MAGI2: variants seen among roughly 807,000 people sequenced by gnomAD.
The protein encoded by MAGI2 is membrane-associated guanylate kinase, WW and PDZ domain-containing protein 2.
MAGI2 carries 35 observed loss-of-function variants against 133.3 expected under a neutral mutation model. The ratio of observed to expected loss-of-function variants is 0.26; its 90% confidence interval spans 0.20 to 0.35. The LOEUF (loss-of-function observed/expected upper bound fraction) is 0.35, where lower values mean the gene tolerates loss of function less well. MAGI2 is among the 10% of genes least tolerant of loss of function. The pLI is 1.00. For synonymous variants in MAGI2, 729 were observed against 710.6 expected, an observed-to-expected ratio of 1.03 and a Z score of -0.41; for missense variants, 1,636 against 1,863.4, an observed-to-expected ratio of 0.88 and a Z score of 2.25.
intron 6 of MAGI2, among the ~76,000 whole-genome samples, chr7:78,427,368 CA>C (rs1276073304): frequency 6.6e-6 from 1 of 151,364 alleles, no homozygotes; most frequent in Non-Finnish European, 1.5e-5. Context: ...AATGTAAAGA[CA>C]AAGAAAAAGT....
chr7:78,137,734 G>A (rs1035474992), intron 16 of MAGI2, among the ~76,000 whole-genome samples: 4 of 152,136 alleles, frequency 2.6e-5, no homozygotes, highest in Non-Finnish European at 5.9e-5. Flanking sequence ...GATGTTGCAG[G>A]TCTCTGTAGG....
At chr7:78,548,149 A>C (rs1161084743) in intron 3 of MAGI2, among the ~76,000 whole-genome samples, 7 of 152,216 alleles carry the variant, frequency 4.6e-5, no homozygotes, top group Non-Finnish European at 1.0e-4. Flanking sequence ...GAGGCATTAC[A>C]GTTATGCCTG....
intron 16 of MAGI2, among the ~76,000 whole-genome samples, chr7:78,144,914 T>A (rs935533835): frequency 1.3e-5 from 2 of 152,212 alleles, no homozygotes; most frequent in East Asian, 1.9e-4. Context: ...CTGGTGTGTG[T>A]TGTTCCCCTC....
chr7:79,180,356 G>A (rs1440654783), intron 1 of MAGI2, among the ~76,000 whole-genome samples: 2 of 152,028 alleles, frequency 1.3e-5, no homozygotes, highest in African/African-American at 2.4e-5. Flanking sequence ...TGGACTTAAA[G>A]TTCTACATGG....
intron 1 of MAGI2, among the ~76,000 whole-genome samples, chr7:79,095,980 T>C (rs1434384418): frequency 1.3e-5 from 2 of 152,100 alleles, no homozygotes; most frequent in Non-Finnish European, 2.9e-5. Context: ...TAAGGCATGA[T>C]TGTACCTTTT....
intron 20 of MAGI2, among the ~76,000 whole-genome samples, chr7:78,095,198 T>A (rs1583875266): frequency 6.6e-6 from 1 of 152,222 alleles, no homozygotes; most frequent in South Asian, 2.1e-4. Context: ...AATTCAGTGA[T>A]ATACTTGCTG....
intron 2 of MAGI2, among the ~76,000 whole-genome samples, chr7:78,689,086 C>T (rs910447379): frequency 6.6e-6 from 1 of 152,148 alleles, no homozygotes; most frequent in African/African-American, 2.4e-5. Flanking sequence ...TATTCTTTCG[C>T]TTTGGTCTTT....
At chr7:79,447,475 G>T (rs1848936039) in intron 1 of MAGI2, among the ~76,000 whole-genome samples, 1 of 151,984 alleles carries the variant, frequency 6.6e-6, no homozygotes, top group Non-Finnish European at 1.5e-5. Flanking sequence ...GAACCCTGGA[G>T]CTTCAAGGTA....
intron 10 of MAGI2, among the ~76,000 whole-genome samples, chr7:78,243,059 G>A (rs1390406178): frequency 6.6e-6 from 1 of 152,016 alleles, no homozygotes; most frequent in Non-Finnish European, 1.5e-5. Flanking sequence ...GTGACAGAGT[G>A]AGACCCTGTC....
chr7:79,362,545 AT>A (rs1201877481), intron 1 of MAGI2, among the ~76,000 whole-genome samples: 2 of 152,122 alleles, frequency 1.3e-5, no homozygotes, highest in Admixed American at 6.5e-5. Context: ...AAAGAAAAAA[AT>A]ATTAACAAAC....
At chr7:79,447,030 A>G (rs1419974234) in intron 1 of MAGI2, among the ~76,000 whole-genome samples, 1 of 152,234 alleles carries the variant, frequency 6.6e-6, no homozygotes, top group Non-Finnish European at 1.5e-5. Flanking sequence ...TAACTTATCA[A>G]AGAAGGAAAC....
Position 79,296,729 on chromosome 7 carries a change from A to G in MAGI2, c.301+156291T>C, listed in dbSNP as rs373516043. Among the ~76,000 whole-genome samples the G allele has an allele frequency of 5.6e-4, 85 of 152,248 alleles. No individual in the cohort carries two copies. The South Asian group carries it at 0.017, about 30-fold the overall frequency. On this transcript the variant is annotated intron_variant, in intron 1 of 21. Coordinates refer to ENST00000354212, the MANE Select transcript of MAGI2 (RefSeq NM_012301.4). Reference sequence around the variant, plus strand: ...TGGTGGTTGTCAGAGGCTGGTTAGTATAGAGGAGAGGGGAGAATGAGGAAG... The same window carrying G: ...TGGTGGTTGTCAGAGGCTGGTTAGTGTAGAGGAGAGGGGAGAATGAGGAAG...
At chr7:78,544,472 G>A (rs1798656177) in intron 3 of MAGI2, among the ~76,000 whole-genome samples, 2 of 152,110 alleles carry the variant, frequency 1.3e-5, no homozygotes, top group Admixed American at 6.6e-5. Flanking sequence ...GTAAGGTGGG[G>A]ATACAATTAT....
At chr7:78,510,647 C>G (rs1795483298) in intron 4 of MAGI2, among the ~76,000 whole-genome samples, 1 of 152,048 alleles carries the variant, frequency 6.6e-6, no homozygotes, top group African/African-American at 2.4e-5. Flanking sequence ...GCTTTTCTTC[C>G]TCAATAGAGA....
rs10526268 is a variant in MAGI2, at chr7:78,903,172, C to CTTTTTTTTTTTTTTTTTT, written c.418+103900_418+103917dup. ...TTCATGCAAGTGGGAGTTCCTGAAT[C>CTTTTTTTTTTTTTTTTTT]TTTTTTTTTTTTTTTTTTTTTTTTT... On this transcript the variant is annotated intron_variant, in intron 2 of 21. Coordinates refer to ENST00000354212, the MANE Select transcript of MAGI2 (RefSeq NM_012301.4). Among the ~76,000 whole-genome samples the CTTTTTTTTTTTTTTTTTT allele has an allele frequency of 3.6e-4, 20 of 56,120 alleles. 4 individuals are homozygous for CTTTTTTTTTTTTTTTTTT. Among genetic ancestry groups the CTTTTTTTTTTTTTTTTTT allele is most frequent in the Non-Finnish European group, 5.8e-4 (18 of 30,844 alleles). The allele number at this position is 56,120 out of a possible 152,430, so 36.8% of individuals were successfully genotyped here. A position where few individuals can be genotyped will look rare whatever the true frequency, so the allele number is the denominator to read the frequency against.
At chr7:78,135,890 T>C (rs1007223507) in intron 16 of MAGI2, among the ~76,000 whole-genome samples, 6 of 152,172 alleles carry the variant, frequency 3.9e-5, no homozygotes, top group African/African-American at 1.4e-4. Context: ...TAATGTCTGA[T>C]ACATAATGCA....
At chr7:78,981,119 A>G (rs1482149746) in intron 2 of MAGI2, among the ~76,000 whole-genome samples, 5 of 151,488 alleles carry the variant, frequency 3.3e-5, no homozygotes, top group East Asian at 1.9e-4. Flanking sequence ...GTACAAATGT[A>G]TATGTATTTA....
intron 3 of MAGI2, among the ~76,000 whole-genome samples, chr7:78,603,011 T>G (rs1465600642): frequency 6.6e-6 from 1 of 152,212 alleles, no homozygotes; most frequent in Non-Finnish European, 1.5e-5. Flanking sequence ...TTTAGCTCCC[T>G]GACTTTAAAA....
At chr7:78,152,524 T>TC (rs755285971) in intron 16 of MAGI2, among the ~76,000 whole-genome samples, 4 of 152,138 alleles carry the variant, frequency 2.6e-5, no homozygotes, top group South Asian at 4.2e-4. Flanking sequence ...GATCTACCAC[T>TC]CCCCCCTTAG....
Sources: allele counts gnomAD v4.1 joint callset (sites outside exome capture counted in the v4.1 genomes callset), GRCh38; gene constraint gnomAD v4.1.1; transcripts MANE v1.5; gene names NCBI Gene and HGNC (gene_info 2026-07-23, HGNC 2026-07-21).